L3MBTL4: variants seen among roughly 807,000 people sequenced by gnomAD.
L3MBTL4 encodes the protein L3MBTL histone methyl-lysine binding protein 4, also known as lethal(3)malignant brain tumor-like protein 4.
A neutral mutation model predicts 84.5 loss-of-function variants in L3MBTL4; 70 were observed. That is an observed-to-expected ratio of 0.83 (90% CI 0.68 to 1.01). The LOEUF (loss-of-function observed/expected upper bound fraction) is 1.01. Among genes scored for constraint, L3MBTL4 ranks in the 50% least tolerant of loss-of-function variants. The probability of loss-of-function intolerance (pLI) is 0.00; values close to 1 mark genes in which losing one functional copy is unlikely to be tolerated. For synonymous variants in L3MBTL4, 274 were observed against 259.8 expected (o/e 1.05, Z -0.52); for missense variants, 715 against 754.8 (o/e 0.95, Z 0.62).
chr18:6,032,871 T>G (rs1320988728), intron 16 of L3MBTL4, among the ~76,000 whole-genome samples: 1 of 152,240 alleles, frequency 6.6e-6, no homozygotes, highest in Non-Finnish European at 1.5e-5. Context: ...ATGTGCAAAT[T>G]GCCTTCCTTT....
At chr18:6,304,103 A>G (rs1433952426) in intron 3 of L3MBTL4, among the ~76,000 whole-genome samples, 1 of 152,146 alleles carries the variant, frequency 6.6e-6, no homozygotes, top group African/African-American at 2.4e-5. Context: ...CATGTATACT[A>G]ATATTTTAAT....
chr18:6,392,742 C>G (rs577693617), intron 1 of L3MBTL4, among the ~76,000 whole-genome samples: 1 of 152,164 alleles, frequency 6.6e-6, no homozygotes, highest in Non-Finnish European at 1.5e-5. Context: ...GAATTTATTA[C>G]TAAGACTTCA....
At chr18:6,295,346 C>CTCTCTCTCTCTCTA (rs1261475809) in intron 4 of L3MBTL4, among the ~76,000 whole-genome samples, 2 of 81,384 alleles carry the variant, frequency 2.5e-5, no homozygotes, top group African/African-American at 6.6e-5. Flanking sequence ...CTCTCTCTCT[C>CTCTCTCTCTCTCTA]TATATATATA....
intron 12 of L3MBTL4, among the ~76,000 whole-genome samples, chr18:6,178,606 T>C (rs558252671): frequency 1.3e-5 from 2 of 152,364 alleles, no homozygotes; most frequent in East Asian, 3.9e-4. Flanking sequence ...TTGCTCAAGC[T>C]TTGATAAACT....
chr18:6,359,021 G>GT (rs2053565349), intron 1 of L3MBTL4, among the ~76,000 whole-genome samples: 1 of 152,160 alleles, frequency 6.6e-6, no homozygotes, highest in African/African-American at 2.4e-5. Flanking sequence ...TTCAAATCTA[G>GT]TGTTTTCATT....
At chr18:6,407,747 G>C (rs1370139245) in intron 1 of L3MBTL4, among the ~76,000 whole-genome samples, 8 of 152,070 alleles carry the variant, frequency 5.3e-5, no homozygotes, top group African/African-American at 1.9e-4. Context: ...TTATTCACTG[G>C]GCATCTAACA....
At chr18:6,030,334 G>A in intron 16 of L3MBTL4, 1 of 984,426 alleles carries the variant, frequency 1.0e-6, no homozygotes, top group Non-Finnish European at 1.2e-6. Context: ...AATTCTGGGT[G>A]ATAGAACAAA....
chr18:6,307,749 C>A (rs2050656561), intron 3 of L3MBTL4, among the ~76,000 whole-genome samples: 1 of 152,108 alleles, frequency 6.6e-6, no homozygotes, highest in Non-Finnish European at 1.5e-5. Flanking sequence ...TCTCAAAGTT[C>A]ATAACTCACT....
chr18:6,247,765 G>A (rs2047743499), intron 5 of L3MBTL4, among the ~76,000 whole-genome samples: 1 of 151,530 alleles, frequency 6.6e-6, no homozygotes, highest in African/African-American at 2.4e-5. Context: ...AAAGTGCTGG[G>A]ATTACAGGCC....
At chr18:6,199,504 T>C (rs1363396387) in intron 12 of L3MBTL4, among the ~76,000 whole-genome samples, 1 of 152,120 alleles carries the variant, frequency 6.6e-6, no homozygotes, top group Non-Finnish European at 1.5e-5. Flanking sequence ...GCCTAGGCAA[T>C]GGGATTACTG....
At chr18:6,325,812 T>C (rs2051686723) in intron 1 of L3MBTL4, among the ~76,000 whole-genome samples, 1 of 152,234 alleles carries the variant, frequency 6.6e-6, no homozygotes, top group Non-Finnish European at 1.5e-5. Context: ...TTTGAAATGG[T>C]GTACCCTAGT....
Position 6,355,387 on chromosome 18 carries a change from T to C in L3MBTL4, c.-90-43331A>G, listed in dbSNP as rs971660867. Among the ~76,000 whole-genome samples the C allele has an allele frequency of 4.4e-4, 67 of 152,188 alleles. 1 individual carries two copies. Among genetic ancestry groups the C allele is most frequent in the African/African-American group, 1.6e-3 (65 of 41,452 alleles). ...AAATTAACTCTTTATTCACCTGTAATGTTTTCAATAATACTATGATAAGGC... is the reference window on the plus strand; with the variant it reads ...AAATTAACTCTTTATTCACCTGTAACGTTTTCAATAATACTATGATAAGGC... On this transcript the variant is annotated intron_variant, in intron 1 of 18. Coordinates refer to ENST00000317931, the MANE Select transcript of L3MBTL4 (RefSeq NM_001330559.2).
intron 3 of L3MBTL4, among the ~76,000 whole-genome samples, chr18:6,308,208 T>G (rs1390376879): frequency 6.6e-6 from 1 of 152,142 alleles, no homozygotes; most frequent in African/African-American, 2.4e-5. Flanking sequence ...AGAAAAACCC[T>G]CTTCAAGTCT....
intron 17 of L3MBTL4, among the ~76,000 whole-genome samples, chr18:5,962,565 G>C (rs2095268812): frequency 6.6e-6 from 1 of 152,202 alleles, no homozygotes; most frequent in South Asian, 2.1e-4. Flanking sequence ...ATCCTCTGCA[G>C]AGCTTTCACG....
At chr18:6,173,925 G>A (rs1452255059) in intron 12 of L3MBTL4, among the ~76,000 whole-genome samples, 1 of 152,102 alleles carries the variant, frequency 6.6e-6, no homozygotes, top group Non-Finnish European at 1.5e-5. Flanking sequence ...AGATACTAGA[G>A]GTCACAAGTT....
At chr18:6,391,184 A>C (rs2055035495) in intron 1 of L3MBTL4, among the ~76,000 whole-genome samples, 1 of 152,196 alleles carries the variant, frequency 6.6e-6, no homozygotes, top group South Asian at 2.1e-4. Context: ...TTTAACATAC[A>C]TAAGTCAAGA....
At chr18:6,409,599 C>T (rs1411083502) in intron 1 of L3MBTL4, among the ~76,000 whole-genome samples, 1 of 152,090 alleles carries the variant, frequency 6.6e-6, no homozygotes, top group East Asian at 1.9e-4. Context: ...TGCATGTGCC[C>T]ATGTACAGAC....
intron 1 of L3MBTL4, among the ~76,000 whole-genome samples, chr18:6,406,184 G>C (rs1179722387): frequency 1.3e-5 from 2 of 152,196 alleles, no homozygotes; most frequent in Non-Finnish European, 2.9e-5. Context: ...ACTGGAACCT[G>C]GTGAGGAAGG....
intron 13 of L3MBTL4, among the ~76,000 whole-genome samples, chr18:6,139,480 C>A (rs1568186274): frequency 6.6e-6 from 1 of 151,862 alleles, no homozygotes; most frequent in Non-Finnish European, 1.5e-5. Context: ...TATTCTCCGC[C>A]CCCTAAACAC....
Sources: allele counts gnomAD v4.1 joint callset (sites outside exome capture counted in the v4.1 genomes callset), GRCh38; gene constraint gnomAD v4.1.1; transcripts MANE v1.5; gene names NCBI Gene and HGNC (gene_info 2026-07-23, HGNC 2026-07-21).